CPAMD8: variants seen among roughly 807,000 people sequenced by gnomAD.
CPAMD8 encodes C3 and PZP-like alpha-2-macroglobulin domain-containing protein 8.
A neutral mutation model predicts 224.7 loss-of-function variants in CPAMD8; 146 were observed. That is an observed-to-expected ratio of 0.65 (90% CI 0.57 to 0.75). The LOEUF (loss-of-function observed/expected upper bound fraction) is 0.75. CPAMD8 is among the 30% of genes least tolerant of loss of function. The pLI is 0.00. For missense variants in CPAMD8, 2,301 were observed against 2,537.5 expected, an observed-to-expected ratio of 0.91 and a Z score of 2.00; for synonymous variants, 966 against 1,044.6, an observed-to-expected ratio of 0.92 and a Z score of 1.45.
intron 15 of CPAMD8, among the ~76,000 whole-genome samples, chr19:16,976,840 A>C (rs564823712): frequency 1.3e-5 from 2 of 149,954 alleles, no homozygotes; most frequent in Admixed American, 1.3e-4. Context: ...CCAGGAGTTC[A>C]AGACCAGCCT....
intron 27 of CPAMD8, among the ~76,000 whole-genome samples, chr19:16,917,791 T>C (rs561884301): frequency 6.6e-6 from 1 of 152,298 alleles, no homozygotes; most frequent in Non-Finnish European, 1.5e-5. Flanking sequence ...AATGACTATC[T>C]GTTATCTGAA....
In CPAMD8 at chr19:16,988,764, T is replaced by C. The variant is rs146234956; in HGVS notation, c.1395+879A>G. Among the ~76,000 whole-genome samples, 13 of 152,262 alleles carry C rather than the reference T, an allele frequency of 8.5e-5. No individual in the cohort carries two copies. The East Asian group carries it at 2.5e-3, about 29-fold the overall frequency. On this transcript the variant is annotated intron_variant, in intron 13 of 41. Transcript: ENST00000443236. ...CAGGGGTCCCCAACCCCCAGGGCCATGGACCAGTACTGATTCATGGCCTGT... is the reference window on the plus strand; with the variant it reads ...CAGGGGTCCCCAACCCCCAGGGCCACGGACCAGTACTGATTCATGGCCTGT...
chr19:17,015,040 G>C (rs1047252717), intron 3 of CPAMD8, among the ~76,000 whole-genome samples: 2 of 152,194 alleles, frequency 1.3e-5, no homozygotes, highest in African/African-American at 4.8e-5. Flanking sequence ...TCAGGAGTTC[G>C]GGACCAGCCT....
intron 7 of CPAMD8, among the ~76,000 whole-genome samples, chr19:17,006,915 TGG>T (rs1455615275): frequency 6.6e-6 from 1 of 152,186 alleles, no homozygotes; most frequent in Non-Finnish European, 1.5e-5. Flanking sequence ...CTTCCCCCAT[TGG>T]GTTGAAAGCT....
Position 16,971,037 on chromosome 19 carries a change from G to A in CPAMD8, c.2071-4C>T. On this transcript the variant is annotated splice_region_variant and splice_polypyrimidine_tract_variant and intron_variant, in intron 17 of 41. Coordinates refer to ENST00000443236, the MANE Select transcript of CPAMD8 (RefSeq NM_015692.5). ...TCATCACCACCAGTCCCGTTTCCTA[G>A]GCAACAGACAACACCCAAACCATTG... The A allele has an allele frequency of 5.0e-6, 8 of 1,597,274 alleles. No homozygotes were observed. Among genetic ancestry groups the A allele is most frequent in the Admixed American group, 1.8e-5 (1 of 56,500 alleles).
At chr19:16,908,427 C>T (rs1275059458) in intron 29 of CPAMD8, among the ~76,000 whole-genome samples, 2 of 152,084 alleles carry the variant, frequency 1.3e-5, no homozygotes, top group African/African-American at 4.8e-5. Context: ...CAGGCCCTCC[C>T]CAGCCTCCAG....
chr19:16,921,620 G>A (rs973530637), intron 27 of CPAMD8, among the ~76,000 whole-genome samples: 3 of 152,136 alleles, frequency 2.0e-5, no homozygotes, highest in Admixed American at 2.0e-4. Context: ...GAAGCCCAGG[G>A]CATCCAGGGC....
At chr19:16,940,204 G>A (rs1036654980) in intron 22 of CPAMD8, among the ~76,000 whole-genome samples, 6 of 152,140 alleles carry the variant, frequency 3.9e-5, no homozygotes, top group South Asian at 2.1e-4. Context: ...GAGCCACCAC[G>A]CCCGGCCTCC....
At position 16,978,236 on chromosome 19, in the gene CPAMD8, C is replaced by T. The variant is rs547485588; in HGVS notation, c.1586-696G>A. Among the ~76,000 whole-genome samples, 18 of 152,172 alleles carry T rather than the reference C, an allele frequency of 1.2e-4. No homozygotes were observed. The South Asian group carries it at 2.9e-3, about 25-fold the overall frequency. On this transcript the variant is annotated intron_variant, in intron 14 of 41. Transcript: ENST00000443236. ...CAACAGGAGGAAGTGGGTACCCAAT[C>T]GGCCTTGGGGTTCAAATCTTGGCTC...
chr19:16,915,566 A>G (rs2052919486), intron 27 of CPAMD8, among the ~76,000 whole-genome samples: 1 of 151,962 alleles, frequency 6.6e-6, no homozygotes, highest in Non-Finnish European at 1.5e-5. Context: ...CATCCACCCC[A>G]TCTCCCTTGC....
intron 19 of CPAMD8, among the ~76,000 whole-genome samples, chr19:16,956,637 C>A (rs1007537751): frequency 4.6e-5 from 7 of 152,090 alleles, no homozygotes; most frequent in African/African-American, 1.7e-4. Flanking sequence ...TCAGACCAGC[C>A]TGGGCAACAT....
intron 18 of CPAMD8, among the ~76,000 whole-genome samples, chr19:16,962,831 A>AG (rs2054701165): frequency 6.6e-6 from 1 of 152,252 alleles, no homozygotes; most frequent in Non-Finnish European, 1.5e-5. Flanking sequence ...CCATCAGACT[A>AG]ACAGCAGATC....
intron 21 of CPAMD8, among the ~76,000 whole-genome samples, chr19:16,946,354 C>T (rs1241271988): frequency 5.7e-5 from 8 of 141,010 alleles, no homozygotes; most frequent in Non-Finnish European, 1.1e-4. Context: ...TATGTCTACA[C>T]GTGGGGGTGT....
At chr19:16,905,564 GAAA>G (rs2052441461) in intron 30 of CPAMD8, among the ~76,000 whole-genome samples, 2 of 46,380 alleles carry the variant, frequency 4.3e-5, no homozygotes, top group African/African-American at 1.7e-4. Flanking sequence ...AAAAAAGGAA[GAAA>G]AGAAAAAAAA....
chr19:16,911,557 A>G (rs1410173571), intron 29 of CPAMD8, among the ~76,000 whole-genome samples: 1 of 127,078 alleles, frequency 7.9e-6, no homozygotes, highest in African/African-American at 3.0e-5. Context: ...ATTTTATTTT[A>G]TTTTTTGAGA....
chr19:17,004,963 A>T lies in CPAMD8; in HGVS notation c.560-577T>A, dbSNP rs192457877. ...AAATCCCAGAGAGAGAGAGAGACAG[A>T]CAGAGAGAGAGAGAGAGAGAAACAG... is the stretch of plus-strand genomic sequence containing the variant. On this transcript the variant is annotated intron_variant, in intron 7 of 41. Coordinates refer to ENST00000443236, the MANE Select transcript of CPAMD8 (RefSeq NM_015692.5). 1.2e-4 allele frequency among the ~76,000 whole-genome samples: 18 copies of T among 146,908 alleles called. No individual in the cohort carries two copies. The East Asian group carries it at 3.7e-3, about 30-fold the overall frequency.
intron 17 of CPAMD8, among the ~76,000 whole-genome samples, chr19:16,972,624 C>T (rs865875058): frequency 6.0e-4 from 91 of 152,100 alleles, no homozygotes; most frequent in Admixed American, 1.4e-3. Flanking sequence ...TTAGTAGAGA[C>T]GGGGTTTCAC....
intron 30 of CPAMD8, among the ~76,000 whole-genome samples, 167 bp from the exon 31 acceptor site, chr19:16,904,719 C>A (rs1484973332): frequency 2.0e-5 from 3 of 152,222 alleles, no homozygotes; most frequent in African/African-American, 7.2e-5. Flanking sequence ...GGGGCTCCAT[C>A]TCAGATCTGC....
At chr19:16,908,723 C>A (rs921152049) in intron 29 of CPAMD8, among the ~76,000 whole-genome samples, 3 of 152,334 alleles carry the variant, frequency 2.0e-5, no homozygotes, top group Admixed American at 6.5e-5. Context: ...CATCCTTAGA[C>A]CAGGACAAAC....
Sources: allele counts gnomAD v4.1 joint callset (sites outside exome capture counted in the v4.1 genomes callset), GRCh38; gene constraint gnomAD v4.1.1; transcripts MANE v1.5; gene names NCBI Gene and HGNC (gene_info 2026-07-23, HGNC 2026-07-21).